The following PTPRT variants were observed in gnomAD, a reference collection of about 807,000 sequenced individuals.
PTPRT encodes protein tyrosine phosphatase receptor type T.
In PTPRT, 56 loss-of-function variants were observed where a neutral mutation model predicts 176.8. That is an observed-to-expected ratio of 0.32 (90% confidence interval 0.26 to 0.40). The LOEUF (loss-of-function observed/expected upper bound fraction) is 0.40. Among genes scored for constraint, PTPRT ranks in the 10% least tolerant of loss-of-function variants. The pLI is 1.00. For missense variants in PTPRT, 1,540 were observed against 1,908.2 expected, an observed-to-expected ratio of 0.81 and a Z score of 3.60; for synonymous variants, 783 against 739.0, an observed-to-expected ratio of 1.06 and a Z score of -0.96.
intron 1 of PTPRT, among the ~76,000 whole-genome samples, chr20:42,967,088 G>C (rs948857628): frequency 6.6e-6 from 1 of 152,114 alleles, no homozygotes; most frequent in Non-Finnish European, 1.5e-5. Flanking sequence ...ATTCAAGTTT[G>C]CTGTGACATT....
chr20:42,669,629 G>T (rs996787156), intron 7 of PTPRT, among the ~76,000 whole-genome samples: 2 of 152,172 alleles, frequency 1.3e-5, no homozygotes, highest in African/African-American at 4.8e-5. Flanking sequence ...ATAGAGAAAT[G>T]AAGAAGAAAA....
chr20:42,631,657 C>A (rs922563408), intron 7 of PTPRT, among the ~76,000 whole-genome samples: 1 of 152,158 alleles, frequency 6.6e-6, no homozygotes, highest in Non-Finnish European at 1.5e-5. Context: ...AACATTTAAA[C>A]TCTTGATTCT....
intron 7 of PTPRT, among the ~76,000 whole-genome samples, chr20:42,531,357 C>A (rs2072380971): frequency 1.3e-5 from 2 of 152,120 alleles, no homozygotes; most frequent in African/African-American, 4.8e-5. Context: ...TATGAACAGG[C>A]AAAAGGGCAT....
chr20:42,444,343 A>T (rs2059344931), intron 9 of PTPRT, among the ~76,000 whole-genome samples: 1 of 152,212 alleles, frequency 6.6e-6, no homozygotes, highest in Non-Finnish European at 1.5e-5. Context: ...CATGGGTTTG[A>T]CATAGATTTA....
At position 42,674,902 on chromosome 20, in the gene PTPRT, T is replaced by C. The variant is rs919491046; in HGVS notation, c.1153+2964A>G. On this transcript the variant is annotated intron_variant, in intron 7 of 30. Coordinates refer to ENST00000373187, the MANE Select transcript of PTPRT (RefSeq NM_007050.6). ...CAACTCTTGCTTTGAAAACGCAAAT[T>C]TGTTCCAACCCAATTAATATATGAA... Among the ~76,000 whole-genome samples the C allele has an allele frequency of 4.1e-5, 6 of 146,946 alleles. No homozygotes were observed. The East Asian group carries it at 5.8e-4, about 14-fold the overall frequency.
chr20:42,440,978 T>C (rs879913295), intron 9 of PTPRT, among the ~76,000 whole-genome samples: 1 of 152,188 alleles, frequency 6.6e-6, no homozygotes, highest in Non-Finnish European at 1.5e-5. Context: ...GGGAGCAATC[T>C]GCTTTACTCG....
chr20:42,809,719 C>G (rs1194130044), intron 2 of PTPRT, among the ~76,000 whole-genome samples: 1 of 152,148 alleles, frequency 6.6e-6, no homozygotes, highest in Non-Finnish European at 1.5e-5. Flanking sequence ...ATGGTCTTCT[C>G]CTCATGCCTC....
intron 7 of PTPRT, among the ~76,000 whole-genome samples, chr20:42,479,544 C>T (rs2071347591): frequency 6.6e-6 from 1 of 152,152 alleles, no homozygotes; most frequent in African/African-American, 2.4e-5. Flanking sequence ...AAATAAAATC[C>T]ATCTTCTTTC....
chr20:43,050,749 C>G (rs376909845), intron 1 of PTPRT, among the ~76,000 whole-genome samples: 2 of 152,200 alleles, frequency 1.3e-5, no homozygotes, highest in Non-Finnish European at 1.5e-5. Flanking sequence ...CCATTCACCC[C>G]TTTCCTGATA....
chr20:42,694,997 C>T (rs1032393930), intron 6 of PTPRT, among the ~76,000 whole-genome samples: 12 of 152,326 alleles, frequency 7.9e-5, no homozygotes, highest in Admixed American at 7.2e-4. Context: ...GCGGGGGTGG[C>T]TCATGCCTGT....
At chr20:43,005,264 C>A (rs987236931) in intron 1 of PTPRT, among the ~76,000 whole-genome samples, 1 of 152,170 alleles carries the variant, frequency 6.6e-6, no homozygotes, top group Non-Finnish European at 1.5e-5. Context: ...GAGTGACAGT[C>A]ACCAGCTCCT....
At chr20:42,819,304 C>T (rs757821891) in intron 2 of PTPRT, among the ~76,000 whole-genome samples, 35 of 152,046 alleles carry the variant, frequency 2.3e-4, no homozygotes, top group Non-Finnish European at 4.4e-4. Context: ...CCAAACTAAT[C>T]GTGATAAGTA....
intron 9 of PTPRT, among the ~76,000 whole-genome samples, chr20:42,372,928 TC>T (rs1314446836): frequency 2.0e-5 from 3 of 152,240 alleles, no homozygotes; most frequent in Non-Finnish European, 4.4e-5. Context: ...TTATAAGTTA[TC>T]CTGTGTGTGG....
chr20:42,110,367 G>T lies in PTPRT; in HGVS notation c.3220C>A (p.Pro1074Thr), dbSNP rs761497190. Reference protein sequence around the residue: ...GFVRQVKFLNPPEAGPIVVHC... With the variant: ...GFVRQVKFLNTPEAGPIVVHC... ...ACCACTATGGGCCCAGCTTCCGGGG[G>T]GTTGAGGAACTTGACCTGGCGGACG... Residue 1074 changes from proline (P) to threonine (T), a missense_variant, in exon 23 of 31, where the codon CCC (proline) becomes ACC (threonine). This residue lies in a region of PTPRT where 248 missense variants were observed against 356.7 expected (regional missense o/e 0.70). Coordinates refer to ENST00000373187, the MANE Select transcript of PTPRT (RefSeq NM_007050.6). The T allele has an allele frequency of 3.1e-6, 5 of 1,612,594 alleles. No homozygotes were observed. In the East Asian group the frequency reaches 1.1e-4, roughly 36 times the overall value.
At position 42,078,499 on chromosome 20, in the gene PTPRT, G is replaced by A. The variant is rs1348220524; in HGVS notation, c.*2380C>T. The A allele has an allele frequency of 4.4e-5, 9 of 204,412 alleles. No individual in the cohort carries two copies. In the South Asian group the frequency reaches 9.5e-4, roughly 21 times the overall value. 12.7% of individuals were successfully genotyped at this position (204,412 alleles called of 1,614,324 possible). On this transcript the variant is annotated 3_prime_UTR_variant, in exon 31 of 31. Transcript: ENST00000373187. ...ATAGATGTGATATTAAAAAGTGCAC[G>A]CTTAAGGGAATGTTTTCACAGTGTC...
At chr20:42,110,802 C>A (rs1019735628) in intron 22 of PTPRT, among the ~76,000 whole-genome samples, 42 of 152,008 alleles carry the variant, frequency 2.8e-4, no homozygotes, top group African/African-American at 8.9e-4. Flanking sequence ...AGGGGATCGT[C>A]TTTGACAAAT....
intron 1 of PTPRT, among the ~76,000 whole-genome samples, chr20:43,137,672 CCAA>C (rs2013876083): frequency 6.6e-6 from 1 of 152,180 alleles, no homozygotes; most frequent in Non-Finnish European, 1.5e-5. Flanking sequence ...TCCTCTTCCC[CCAA>C]CGCTATAGTG....
chr20:42,551,651 A>C (rs185873605), intron 7 of PTPRT, among the ~76,000 whole-genome samples: 1 of 152,254 alleles, frequency 6.6e-6, no homozygotes, highest in African/African-American at 2.4e-5. Flanking sequence ...CAAATTATGC[A>C]TTGGCAATTT....
chr20:42,569,112 A>ATATATATATATATATATAT lies in PTPRT; in HGVS notation c.1154-96551_1154-96550insATATATATATATATATATA, dbSNP rs1344948586. 3.8e-4 allele frequency among the ~76,000 whole-genome samples: 43 copies of ATATATATATATATATATAT among 113,908 alleles called. 1 individual carries two copies. Among genetic ancestry groups the ATATATATATATATATATAT allele is most frequent in the South Asian group, 6.5e-4 (2 of 3,058 alleles). The allele number at this position is 113,908 out of a possible 152,430, so 74.7% of individuals were successfully genotyped here. On this transcript the variant is annotated intron_variant, in intron 7 of 30. Transcript: ENST00000373187. ...TATATATATATATATATATATATATAATTTCAACTTTCATGCCATGCCAGT... is the reference window on the plus strand; with the variant it reads ...TATATATATATATATATATATATATATATATATATATATATATATATTTCAACTTTCATGCCATGCCAGT...
Sources: allele counts gnomAD v4.1 joint callset (sites outside exome capture counted in the v4.1 genomes callset), GRCh38; gene constraint gnomAD v4.1.1; regional missense constraint gnomAD v4.1.1; transcripts MANE v1.5; gene names NCBI Gene and HGNC (gene_info 2026-07-23, HGNC 2026-07-21).